GRIN2B: variants seen among roughly 807,000 people sequenced by gnomAD.
GRIN2B encodes the protein glutamate ionotropic receptor NMDA type subunit 2B, also known as glutamate receptor ionotropic, NMDA 2B.
In GRIN2B, 5 loss-of-function variants were observed where a neutral mutation model predicts 114.5. The ratio of observed to expected loss-of-function variants is 0.04; its 90% CI spans 0.02 to 0.09. GRIN2B has a LOEUF of 0.09. GRIN2B is among the 10% of genes least tolerant of loss of function. GRIN2B has a pLI of 1.00. For synonymous variants in GRIN2B, 787 were observed against 745.1 expected (o/e 1.06, Z -0.92); for missense variants, 1,108 against 1,943.5 (o/e 0.57, Z 8.08).
chr12:13,692,572 C>G (rs1256958472), intron 4 of GRIN2B, among the ~76,000 whole-genome samples: 1 of 151,600 alleles, frequency 6.6e-6, no homozygotes, highest in Non-Finnish European at 1.5e-5. Flanking sequence ...GGTGAACTGC[C>G]GTGTCTACAT....
chr12:13,732,888 A>G (rs1024300144), intron 4 of GRIN2B, among the ~76,000 whole-genome samples: 1 of 152,246 alleles, frequency 6.6e-6, no homozygotes, highest in South Asian at 2.1e-4. Context: ...TCATTTGACA[A>G]GTATATAATG....
Position 13,865,888 on chromosome 12 carries a change from G to A in GRIN2B, c.321C>T (p.Ala107=). The A allele has an allele frequency of 6.2e-7, 1 of 1,614,004 alleles. No homozygotes were observed. The highest frequency in any genetic ancestry group is 8.5e-7 in the Non-Finnish European group (1 of 1,179,942). ...VVFADDTDQE[A]IAQILDFISA... ...AAATGAAATCGAGGATCTGGGCGAT[G>A]GCTTCCTGGTCTGTGTCATCAGCAA... The change falls in exon 3 of 14, where the codon GCC becomes GCT. Residue 107 remains alanine (A), a synonymous_variant. Transcript: ENST00000609686.
At chr12:13,715,573 G>A (rs2300257) in intron 4 of GRIN2B, among the ~76,000 whole-genome samples, 9,141 of 151,848 alleles carry the variant, frequency 0.06, 393 homozygotes, top group East Asian at 0.17. Context: ...ACAAAAGAGT[G>A]GGTAAGTGAA....
chr12:13,846,717 T>C (rs1051545765), intron 3 of GRIN2B, among the ~76,000 whole-genome samples: 7 of 152,094 alleles, frequency 4.6e-5, no homozygotes, highest in Admixed American at 1.3e-4. Flanking sequence ...CAGGGAGGAA[T>C]GAATGAGGAA....
intron 5 of GRIN2B, among the ~76,000 whole-genome samples, chr12:13,622,707 G>A (rs979514752): frequency 3.4e-4 from 52 of 151,756 alleles, no homozygotes; most frequent in African/African-American, 1.1e-3. Context: ...ATCATCCCAC[G>A]CAGAAGGCAG....
intron 3 of GRIN2B, among the ~76,000 whole-genome samples, chr12:13,792,404 C>A (rs1038094361): frequency 6.6e-6 from 1 of 152,210 alleles, no homozygotes; most frequent in Admixed American, 6.5e-5. Flanking sequence ...TTGAAGCTCT[C>A]CCAGCCTGGC....
chr12:13,919,140 G>A (rs2417307), intron 2 of GRIN2B, among the ~76,000 whole-genome samples: 152,314 of 152,316 alleles, frequency 1, 76,156 homozygotes, highest in Non-Finnish European at 1. Context: ...AATAGTTAGC[G>A]TGCATATAAC....
In GRIN2B at chr12:13,753,985, G is replaced by A; in HGVS notation, c.412-70C>T. On this transcript the variant is annotated intron_variant, in intron 3 of 13. Coordinates refer to ENST00000609686, the MANE Select transcript of GRIN2B (RefSeq NM_000834.5). This position sits in a 1 kb window ranked among gnomAD's most constrained non-coding sequence, Gnocchi z 6.2. ...AACCAAAGATGGTAATGGAGATTTT[G>A]AACCAAGTGGGTACAAAGATTTGTG... The A allele has an allele frequency of 3.3e-6, 3 of 919,160 alleles. No individual in the cohort carries two copies. Among genetic ancestry groups the A allele is most frequent in the Non-Finnish European group, 1.8e-6 (1 of 559,096 alleles). 56.9% of individuals were successfully genotyped at this position (919,160 alleles called of 1,614,324 possible).
intron 2 of GRIN2B, among the ~76,000 whole-genome samples, chr12:13,927,622 G>GA (rs143483723): frequency 0.073 from 11,160 of 151,988 alleles, 515 homozygotes; most frequent in Middle Eastern, 0.13. Flanking sequence ...GTCCCAGTGA[G>GA]AAAATGACCA....
At chr12:13,605,552 GACACACACACACACAC>G (rs66916614) in intron 10 of GRIN2B, among the ~76,000 whole-genome samples, 1 of 129,712 alleles carries the variant, frequency 7.7e-6, no homozygotes, top group African/African-American at 2.9e-5. Context: ...CTCTCTCTCT[GACACACACACACACAC>G]ACACACACAC....
At chr12:13,852,067 T>C (rs1045725353) in intron 3 of GRIN2B, among the ~76,000 whole-genome samples, 1 of 152,202 alleles carries the variant, frequency 6.6e-6, no homozygotes, top group Non-Finnish European at 1.5e-5. Context: ...CTGGATTACA[T>C]GTTGCCAAGG....
intron 5 of GRIN2B, among the ~76,000 whole-genome samples, chr12:13,673,787 C>G (rs1186507639): frequency 1.3e-5 from 2 of 151,786 alleles, no homozygotes; most frequent in Non-Finnish European, 1.5e-5. Context: ...TGTGAGATGC[C>G]TCCTCCTGCT....
intron 3 of GRIN2B, among the ~76,000 whole-genome samples, chr12:13,853,023 G>T (rs114592174): frequency 0.011 from 1,745 of 152,200 alleles, 36 homozygotes; most frequent in African/African-American, 0.039. Flanking sequence ...CTTCACACCT[G>T]CTGTTCTCTC....
At chr12:13,748,178 T>C (rs1863421344) in intron 4 of GRIN2B, among the ~76,000 whole-genome samples, 1 of 152,172 alleles carries the variant, frequency 6.6e-6, no homozygotes, top group South Asian at 2.1e-4. Flanking sequence ...GTAGAAAAAC[T>C]AAAGACACTG....
At chr12:13,658,903 C>T (rs1270236161) in intron 5 of GRIN2B, among the ~76,000 whole-genome samples, 2 of 151,916 alleles carry the variant, frequency 1.3e-5, no homozygotes, top group Non-Finnish European at 2.9e-5. Flanking sequence ...CCTGGCTCTA[C>T]CAACCTCTTG....
At chr12:13,918,120 C>T (rs1866763287) in intron 2 of GRIN2B, among the ~76,000 whole-genome samples, 1 of 152,174 alleles carries the variant, frequency 6.6e-6, no homozygotes, top group African/African-American at 2.4e-5. Context: ...GTACCAGTTC[C>T]ACCCTTTTCT....
chr12:13,841,246 T>G (rs1865373653), intron 3 of GRIN2B, among the ~76,000 whole-genome samples: 3 of 152,290 alleles, frequency 2.0e-5, no homozygotes, highest in Admixed American at 2.0e-4. Context: ...ATCACACAGC[T>G]AGCCATGCCG....
At chr12:13,628,558 G>A (rs768628857) in intron 5 of GRIN2B, among the ~76,000 whole-genome samples, 3 of 152,324 alleles carry the variant, frequency 2.0e-5, no homozygotes, top group South Asian at 2.1e-4. Context: ...GAAAAGTGAT[G>A]CAAATCATTG....
rs187527050 is a variant in GRIN2B, at chr12:13,969,294, C to T, written c.-19+10634G>A. Among the ~76,000 whole-genome samples, 89 of 151,382 alleles carry T rather than the reference C, an allele frequency of 5.9e-4. 1 individual carries two copies. In the East Asian group the frequency reaches 0.012, roughly 20 times the overall value. On this transcript the variant is annotated intron_variant, in intron 2 of 13. Coordinates refer to ENST00000609686, the MANE Select transcript of GRIN2B (RefSeq NM_000834.5). Reference sequence around the variant, plus strand: ...CCAAGTACAGGCTGTTTATGAGTTCCCCACATGCAACATAAACCTTTATCT... The same window carrying T: ...CCAAGTACAGGCTGTTTATGAGTTCTCCACATGCAACATAAACCTTTATCT...
Sources: allele counts gnomAD v4.1 joint callset (sites outside exome capture counted in the v4.1 genomes callset), GRCh38; gene constraint gnomAD v4.1.1; non-coding constraint Gnocchi (gnomAD v3.1); transcripts MANE v1.5; gene names NCBI Gene and HGNC (gene_info 2026-07-23, HGNC 2026-07-21).